Variants in SASH1 observed in about 807,000 individuals in gnomAD.
SASH1 encodes the protein SAM and SH3 domain containing 1.
A neutral mutation model predicts 125.2 loss-of-function variants in SASH1; 44 were observed. The ratio of observed to expected loss-of-function variants is 0.35; its 90% CI spans 0.28 to 0.45. SASH1 has a LOEUF of 0.45. Ranked by LOEUF, SASH1 falls within the 20% of genes least tolerant of loss-of-function variation. SASH1 has a pLI of 1.00. For missense variants in SASH1, 1,426 were observed against 1,614.5 expected, an observed-to-expected ratio of 0.88 and a Z score of 2.00; for synonymous variants, 639 against 649.1, an observed-to-expected ratio of 0.98 and a Z score of 0.24.
chr6:148,323,730 C>G (rs926321276), intron 1 of SASH1, among the ~76,000 whole-genome samples: 4 of 152,068 alleles, frequency 2.6e-5, no homozygotes, highest in Non-Finnish European at 4.4e-5. Context: ...CATCCATGCA[C>G]GTTGATACCA....
intron 1 of SASH1, among the ~76,000 whole-genome samples, chr6:148,358,898 G>A (rs945810855): frequency 6.6e-6 from 1 of 151,664 alleles, no homozygotes; most frequent in African/African-American, 2.4e-5. Flanking sequence ...ACCACACCCG[G>A]CTAATTTTTT....
At chr6:148,417,892 T>C (rs1346436760) in intron 2 of SASH1, among the ~76,000 whole-genome samples, 1 of 152,142 alleles carries the variant, frequency 6.6e-6, no homozygotes, top group Non-Finnish European at 1.5e-5. Context: ...GATAATCACG[T>C]TGATGATAAC....
intron 1 of SASH1, among the ~76,000 whole-genome samples, chr6:148,335,521 T>TCA (rs1781131022): frequency 6.7e-6 from 1 of 148,690 alleles, no homozygotes; most frequent in Non-Finnish European, 1.5e-5. Context: ...GTGGTTTGGA[T>TCA]CACAGAGATG....
intron 4 of SASH1, 75 bp downstream of exon 4, chr6:148,440,482 C>G: frequency 3.2e-6 from 4 of 1,262,544 alleles, no homozygotes; most frequent in Non-Finnish European, 4.6e-6. Flanking sequence ...GGAAATCAAA[C>G]AGGCGATCAT....
chr6:148,393,015 A>G (rs942066221), intron 2 of SASH1, among the ~76,000 whole-genome samples: 1 of 151,536 alleles, frequency 6.6e-6, no homozygotes, highest in East Asian at 1.9e-4. Flanking sequence ...AATATTGCAT[A>G]ATGCCCTGAA....
At chr6:148,276,515 C>A (rs529704858) in intron 1 of SASH1, among the ~76,000 whole-genome samples, 1 of 152,064 alleles carries the variant, frequency 6.6e-6, no homozygotes, top group East Asian at 1.9e-4. Context: ...GGAACAGCGC[C>A]CAGTCGATTT....
At chr6:148,446,152 A>G (rs918888735) in intron 4 of SASH1, among the ~76,000 whole-genome samples, 9 of 119,150 alleles carry the variant, frequency 7.6e-5, no homozygotes, top group Non-Finnish European at 1.1e-4. Flanking sequence ...TCTGTCGCCC[A>G]GGCTGGAGTG....
intron 1 of SASH1, among the ~76,000 whole-genome samples, chr6:148,306,500 C>T (rs1227055492): frequency 6.6e-6 from 1 of 152,160 alleles, no homozygotes; most frequent in East Asian, 1.9e-4. Flanking sequence ...CTTTCTGCTT[C>T]CAATATTTTG....
At chr6:148,299,459 G>A (rs2495945) in intron 1 of SASH1, among the ~76,000 whole-genome samples, 5,711 of 152,092 alleles carry the variant, frequency 0.038, 142 homozygotes, top group Middle Eastern at 0.068. Context: ...TTGTGGTCAG[G>A]AGTTTGAGAC....
intron 17 of SASH1, among the ~76,000 whole-genome samples, chr6:148,542,124 A>G (rs750491256): frequency 6.6e-6 from 1 of 152,222 alleles, no homozygotes; most frequent in South Asian, 2.1e-4. Flanking sequence ...GCCCAAATGA[A>G]TTCAGGTGTA....
the SASH1 span, among the ~76,000 whole-genome samples, chr6:148,258,367 G>A: frequency 6.6e-6 from 1 of 151,988 alleles, no homozygotes; most frequent in Non-Finnish European, 1.5e-5. Flanking sequence ...AACATTTTTG[G>A]ACCAGGCTGC....
At chr6:148,362,952 A>G (rs908185263) in intron 1 of SASH1, among the ~76,000 whole-genome samples, 5 of 152,188 alleles carry the variant, frequency 3.3e-5, no homozygotes, top group African/African-American at 9.7e-5. Flanking sequence ...ACCTATCCCA[A>G]CTGCCACCCA....
intron 1 of SASH1, among the ~76,000 whole-genome samples, chr6:148,302,653 G>GTATA (rs200151810): frequency 1.1e-4 from 7 of 61,804 alleles, no homozygotes; most frequent in African/African-American, 4.3e-4. Flanking sequence ...AGATGTGTGT[G>GTATA]TATATATATA....
chr6:148,536,462 C>T (rs1482166298), intron 16 of SASH1, among the ~76,000 whole-genome samples: 2 of 152,188 alleles, frequency 1.3e-5, no homozygotes, highest in Admixed American at 6.5e-5. Context: ...GCCTCAGCCT[C>T]CCGAGTAGCT....
At chr6:148,314,049 C>T (rs1046934165) in intron 1 of SASH1, among the ~76,000 whole-genome samples, 9 of 150,822 alleles carry the variant, frequency 6.0e-5, no homozygotes, top group Middle Eastern at 3.2e-3. Context: ...CAAGCTTTTG[C>T]GTCTCAGACA....
intron 1 of SASH1, among the ~76,000 whole-genome samples, chr6:148,350,365 A>G (rs1583002957): frequency 6.6e-6 from 1 of 152,340 alleles, no homozygotes; most frequent in East Asian, 1.9e-4. Flanking sequence ...GTCTCTCTAT[A>G]CTGATAGAAT....
intron 8 of SASH1, chr6:148,513,110 C>T (rs1780243660): frequency 1.0e-6 from 1 of 985,264 alleles, no homozygotes; most frequent in Non-Finnish European, 1.2e-6. Flanking sequence ...GTATTCTCTG[C>T]AACTCTTGCT....
At chr6:148,459,110 G>A (rs1777497684) in intron 4 of SASH1, among the ~76,000 whole-genome samples, 3 of 152,062 alleles carry the variant, frequency 2.0e-5, no homozygotes, top group Non-Finnish European at 4.4e-5. Context: ...CACAGTGCTG[G>A]AATAGGTGCT....
At chr6:148,271,784 G>A (rs1365430474), upstream of SASH1, among the ~76,000 whole-genome samples, 4 of 152,076 alleles carry the variant, frequency 2.6e-5, no homozygotes, top group African/African-American at 7.2e-5. Flanking sequence ...CGTGTTAAAT[G>A]GATTTCTGGA....
Sources: allele counts gnomAD v4.1 joint callset (sites outside exome capture counted in the v4.1 genomes callset), GRCh38; gene constraint gnomAD v4.1.1; transcripts MANE v1.5; gene names NCBI Gene and HGNC (gene_info 2026-07-23, HGNC 2026-07-21).